Variants in NCOA2 observed in about 807,000 individuals in gnomAD.
NCOA2 encodes the protein class E basic helix-loop-helix protein 75.
NCOA2 carries 21 observed loss-of-function variants against 145.1 expected under a neutral mutation model. The observed-to-expected ratio is 0.14, with a 90% confidence interval of 0.10 to 0.21. NCOA2 has a LOEUF of 0.21. Among genes scored for constraint, NCOA2 ranks in the 10% least tolerant of loss-of-function variants. The pLI, the probability that NCOA2 is intolerant of heterozygous loss-of-function variation, is 1.00. For missense variants in NCOA2, 1,472 were observed against 1,837.6 expected (o/e 0.80, Z 3.64); for synonymous variants, 619 against 637.5 (o/e 0.97, Z 0.44).
At chr8:70,351,184 T>C (rs1407651708) in intron 1 of NCOA2, among the ~76,000 whole-genome samples, 1 of 152,210 alleles carries the variant, frequency 6.6e-6, no homozygotes, top group African/African-American at 2.4e-5. Context: ...GGCAATTAAA[T>C]TTCAACCTGA....
chr8:70,354,826 G>A (rs1809542617), intron 1 of NCOA2, among the ~76,000 whole-genome samples: 1 of 152,260 alleles, frequency 6.6e-6, no homozygotes, highest in East Asian at 1.9e-4. Context: ...AAGCAAGACT[G>A]GGAAAAGACA....
In NCOA2 at chr8:70,335,155, A is replaced by AAAAAAAAAAAAAAAAAAAAAAT. The variant is rs774576238; in HGVS notation, c.-76-38356_-76-38355insATTTTTTTTTTTTTTTTTTTTT. On this transcript the variant is annotated intron_variant, in intron 1 of 22. Coordinates refer to ENST00000452400, the MANE Select transcript of NCOA2 (RefSeq NM_006540.4). The stretch of plus-strand genomic sequence containing the variant: ...AAAAAAAAAAAAAAAAAAAAAAAAG[A>AAAAAAAAAAAAAAAAAAAAAAT]TCTCTCCCTATGACCATTTTCTCAG... 3.5e-5 allele frequency among the ~76,000 whole-genome samples: 4 copies of AAAAAAAAAAAAAAAAAAAAAAT among 115,386 alleles called. 1 individual carries two copies. The East Asian group carries it at 1.1e-3, about 31-fold the overall frequency. The allele number at this position is 115,386 out of a possible 152,430, so 75.7% of individuals were successfully genotyped here.
intron 1 of NCOA2, among the ~76,000 whole-genome samples, chr8:70,301,021 T>G (rs76828867): frequency 6.6e-6 from 1 of 152,198 alleles, no homozygotes; most frequent in Non-Finnish European, 1.5e-5. Flanking sequence ...AGCAAAAGTC[T>G]GGGTTCTAAC....
rs16936910 is a variant in NCOA2 at position 70,312,763 on chromosome 8, C to A, written c.-76-15963G>T. On this transcript the variant is annotated intron_variant, in intron 1 of 22. Transcript: ENST00000452400. ...TTTTCATTTCCTGAAAAGCTGTTGA[C>A]CCAATATCGTACTTCGTAATCAACA... Among the ~76,000 whole-genome samples, 404 of 152,178 alleles carry A rather than the reference C, an allele frequency of 2.7e-3. 2 individuals carry two copies. Among genetic ancestry groups the A allele is most frequent in the Admixed American group, 0.018 (272 of 15,280 alleles).
At chr8:70,430,430 T>A in the NCOA2 span, among the ~76,000 whole-genome samples, 2 of 152,172 alleles carry the variant, frequency 1.3e-5, no homozygotes, top group African/African-American at 4.8e-5. Context: ...TGGCACACAA[T>A]AAACAGCAGT....
intron 5 of NCOA2, among the ~76,000 whole-genome samples, chr8:70,173,931 G>A (rs1814538047): frequency 6.6e-6 from 1 of 152,208 alleles, no homozygotes; most frequent in African/African-American, 2.4e-5. Context: ...CAAGCTAGCT[G>A]ATTCTACAAT....
chr8:70,151,441 C>T (rs1217558070), intron 11 of NCOA2, among the ~76,000 whole-genome samples: 1 of 152,144 alleles, frequency 6.6e-6, no homozygotes, highest in East Asian at 1.9e-4. Context: ...GTGTGCACAA[C>T]CACACCTGGC....
intron 4 of NCOA2, among the ~76,000 whole-genome samples, chr8:70,176,314 G>A (rs1477728418): frequency 6.6e-6 from 1 of 152,102 alleles, no homozygotes; most frequent in East Asian, 1.9e-4. Context: ...TCTTTAGATC[G>A]AAAAAATTGT....
intron 2 of NCOA2, among the ~76,000 whole-genome samples, chr8:70,261,133 C>T (rs1338105575): frequency 6.6e-6 from 1 of 152,224 alleles, no homozygotes; most frequent in Non-Finnish European, 1.5e-5. Context: ...AATCATGCTG[C>T]TATAAAGACA....
chr8:70,137,006 G>A (rs893972664), intron 15 of NCOA2, among the ~76,000 whole-genome samples: 6 of 152,208 alleles, frequency 3.9e-5, no homozygotes, highest in Admixed American at 6.5e-5. Flanking sequence ...ACATGCTAGG[G>A]CAGTGCTGAG....
At chr8:70,292,255 C>A (rs1483628444) in intron 2 of NCOA2, among the ~76,000 whole-genome samples, 1 of 151,614 alleles carries the variant, frequency 6.6e-6, no homozygotes, top group Non-Finnish European at 1.5e-5. Context: ...TGGGTTCAAG[C>A]GATTCTCCCA....
intron 4 of NCOA2, among the ~76,000 whole-genome samples, chr8:70,211,006 T>TG (rs2133822504): frequency 6.6e-6 from 1 of 152,250 alleles, no homozygotes; most frequent in East Asian, 1.9e-4. Flanking sequence ...CAGTTGGGGT[T>TG]GGGGGAAGAC....
intron 2 of NCOA2, among the ~76,000 whole-genome samples, chr8:70,241,895 A>T (rs992080559): frequency 2.0e-5 from 3 of 152,174 alleles, no homozygotes; most frequent in Admixed American, 6.6e-5. Context: ...CCTCATCAAA[A>T]GAAAAAGTAA....
chr8:70,195,584 T>C (rs1817208858), intron 4 of NCOA2, among the ~76,000 whole-genome samples: 1 of 152,254 alleles, frequency 6.6e-6, no homozygotes, highest in Admixed American at 6.5e-5. Flanking sequence ...ATTATTTTTA[T>C]GTCATTCATC....
the NCOA2 span, among the ~76,000 whole-genome samples, chr8:70,415,175 A>T: frequency 1.4e-4 from 21 of 146,930 alleles, no homozygotes; most frequent in South Asian, 6.5e-4. Flanking sequence ...TGAGTTTTTT[A>T]TTTTTTTTTT....
intron 7 of NCOA2, among the ~76,000 whole-genome samples, chr8:70,164,356 T>C (rs1313381460): frequency 2.0e-5 from 3 of 152,184 alleles, no homozygotes; most frequent in Non-Finnish European, 4.4e-5. Flanking sequence ...ACTGGACAAA[T>C]GCTGTTGTCA....
intron 1 of NCOA2, among the ~76,000 whole-genome samples, chr8:70,366,653 T>C (rs1467972007): frequency 6.6e-5 from 10 of 151,744 alleles, no homozygotes; most frequent in Admixed American, 6.6e-4. Context: ...TTGAGAATTA[T>C]ATATCCATTG....
chr8:70,263,142 G>C (rs1824274715), intron 2 of NCOA2, among the ~76,000 whole-genome samples: 1 of 147,650 alleles, frequency 6.8e-6, no homozygotes, highest in Non-Finnish European at 1.5e-5. Context: ...GTCAAATAAG[G>C]GTCACTGGAA....
intron 3 of NCOA2, 109 bp from the exon 4 acceptor site, chr8:70,214,184 T>C (rs1476539959): frequency 4.9e-6 from 5 of 1,025,894 alleles, no homozygotes; most frequent in Middle Eastern, 3.2e-4. Context: ...AAGCTACCTA[T>C]ATAAACACAG....
Sources: gnomAD v4.1 joint callset for allele counts (sites outside exome capture counted in the v4.1 genomes callset) on GRCh38, gnomAD v4.1.1 for gene constraint, MANE v1.5 for transcripts, NCBI Gene and HGNC (gene_info 2026-07-23, HGNC 2026-07-21) for gene names.